Variants in FSHR observed in about 807,000 individuals in gnomAD.
FSHR encodes follicle-stimulating hormone receptor.
Under a neutral mutation model 52.1 loss-of-function variants are expected in FSHR, and 46 were observed. The ratio of observed to expected loss-of-function variants is 0.88; its 90% CI spans 0.70 to 1.13. FSHR has a LOEUF of 1.13. Ranked by LOEUF, FSHR falls within the 50% of genes most tolerant of loss-of-function variation. FSHR has a pLI of 0.00. For synonymous variants in FSHR, 399 were observed against 309.6 expected (o/e 1.29, Z -3.03); for missense variants, 964 against 834.6 (o/e 1.16, Z -1.91).
chr2:49,054,018 G>A (rs1668964282), intron 2 of FSHR, among the ~76,000 whole-genome samples: 1 of 152,166 alleles, frequency 6.6e-6, no homozygotes, highest in South Asian at 2.1e-4. Flanking sequence ...ATAAAGATGT[G>A]TGAACTCAGC....
intron 8 of FSHR, among the ~76,000 whole-genome samples, chr2:48,979,530 C>T (rs1675148413): frequency 6.6e-6 from 1 of 152,190 alleles, no homozygotes; most frequent in South Asian, 2.1e-4. Context: ...GCCGAGTCTA[C>T]TCTGGGAATT....
intron 4 of FSHR, among the ~76,000 whole-genome samples, chr2:49,010,766 T>A (rs1256661276): frequency 6.6e-6 from 1 of 152,132 alleles, no homozygotes; most frequent in Non-Finnish European, 1.5e-5. Flanking sequence ...GAAGAATGTA[T>A]GTGTCAAGGA....
At chr2:49,071,944 C>CGTGA (rs1669753152) in intron 1 of FSHR, among the ~76,000 whole-genome samples, 2 of 152,134 alleles carry the variant, frequency 1.3e-5, no homozygotes, top group South Asian at 4.1e-4. Context: ...ACAGTCACCT[C>CGTGA]CCACTAGGTC....
chr2:49,107,520 G>A (rs541429669), intron 1 of FSHR, among the ~76,000 whole-genome samples: 10 of 151,824 alleles, frequency 6.6e-5, no homozygotes, highest in South Asian at 2.1e-4. Flanking sequence ...TGTTTAATGA[G>A]TACTTACTGG....
Position 49,021,863 on chromosome 2 carries a change from CTA to C in FSHR, c.225-1705_225-1704del, listed in dbSNP as rs1224896244. Among the ~76,000 whole-genome samples, 131 of 49,828 alleles carry C rather than the reference CTA, an allele frequency of 2.6e-3. 2 individuals are homozygous for C. Among genetic ancestry groups the C allele is most frequent in the African/African-American group, 5.8e-3 (71 of 12,158 alleles). The allele number at this position is 49,828 out of a possible 152,430, so 32.7% of individuals were successfully genotyped here. On this transcript the variant is annotated intron_variant, in intron 2 of 9. Coordinates refer to ENST00000406846, the MANE Select transcript of FSHR (RefSeq NM_000145.4). ...TCTCTCTCTCTCTCTCTCTCTCTCTCTATATATATATATATATATATATAGAG... is the reference window on the plus strand; with the variant it reads ...TCTCTCTCTCTCTCTCTCTCTCTCTCTATATATATATATATATATATAGAG...
chr2:49,045,762 C>G (rs546808292), intron 2 of FSHR, among the ~76,000 whole-genome samples: 11 of 152,236 alleles, frequency 7.2e-5, no homozygotes, highest in African/African-American at 2.2e-4. Flanking sequence ...CTAAAACATC[C>G]TTTTTTTCCC....
intron 8 of FSHR, among the ~76,000 whole-genome samples, chr2:48,974,031 T>C (rs2284673): frequency 0.56 from 83,633 of 149,818 alleles, 24,819 homozygotes; most frequent in Non-Finnish European, 0.66. Flanking sequence ...TGACTCAGCA[T>C]TGTAATAAAA....
intron 4 of FSHR, among the ~76,000 whole-genome samples, chr2:49,013,533 T>C (rs1667369968): frequency 6.9e-6 from 1 of 144,230 alleles, no homozygotes; most frequent in Admixed American, 7.1e-5. Flanking sequence ...TATAAAAATA[T>C]ATATATAAAT....
chr2:48,986,469 A>T (rs1348782292), intron 6 of FSHR, among the ~76,000 whole-genome samples: 1 of 150,880 alleles, frequency 6.6e-6, no homozygotes, highest in Non-Finnish European at 1.5e-5. Flanking sequence ...AAGCTGCCAA[A>T]CTAGAAACGA....
At chr2:49,013,481 AATAAATATATATATAT>A (rs1298503687) in intron 4 of FSHR, among the ~76,000 whole-genome samples, 2,206 of 114,994 alleles carry the variant, frequency 0.019, 62 homozygotes, top group African/African-American at 0.065. Flanking sequence ...TATATATATA[AATAAATATATATATAT>A]ATAAATATAT....
At chr2:49,114,611 C>T (rs1572762533) in intron 1 of FSHR, among the ~76,000 whole-genome samples, 2 of 152,082 alleles carry the variant, frequency 1.3e-5, no homozygotes, top group Non-Finnish European at 2.9e-5. Flanking sequence ...TAAGAACCCT[C>T]GTAGCATTAC....
intron 2 of FSHR, among the ~76,000 whole-genome samples, chr2:49,056,778 C>G (rs995442973): frequency 6.6e-6 from 1 of 151,662 alleles, no homozygotes; most frequent in East Asian, 1.9e-4. Context: ...AAACAAGTCT[C>G]AAAAAAATTT....
intron 1 of FSHR, among the ~76,000 whole-genome samples, chr2:49,107,783 C>G (rs1253989922): frequency 1.3e-4 from 20 of 152,110 alleles, no homozygotes; most frequent in Admixed American, 1.3e-3. Context: ...TGGTGACTTT[C>G]ACAAATTCAC....
chr2:49,154,490 C>T lies in FSHR; in HGVS notation c.-73G>A. Reference sequence around the variant, plus strand: ...ACCTCCACAGATCTCAGAAGCTCCACACAGTGCCCTTATGAGAAGAGATCT... The same window carrying T: ...ACCTCCACAGATCTCAGAAGCTCCATACAGTGCCCTTATGAGAAGAGATCT... On this transcript the variant is annotated 5_prime_UTR_variant, in exon 1 of 10. It adds an upstream start codon to the 5' untranslated region. Transcript: ENST00000406846. The T allele has an allele frequency of 6.7e-7, 1 of 1,501,118 alleles. No homozygotes were observed. The highest frequency in any genetic ancestry group is 9.2e-7 in the Non-Finnish European group (1 of 1,081,774). The allele number at this position is 1,501,118 out of a possible 1,614,324, so 93.0% of individuals were successfully genotyped here.
At chr2:49,131,036 A>C (rs1301476412) in intron 1 of FSHR, among the ~76,000 whole-genome samples, 1 of 152,208 alleles carries the variant, frequency 6.6e-6, no homozygotes, top group Non-Finnish European at 1.5e-5. Flanking sequence ...ATTGGAAGGA[A>C]GACAGCTTAA....
At chr2:49,112,187 A>G (rs576094299) in intron 1 of FSHR, among the ~76,000 whole-genome samples, 2 of 152,314 alleles carry the variant, frequency 1.3e-5, no homozygotes, top group East Asian at 3.9e-4. Context: ...TTACATTTCC[A>G]TTCACAAAAC....
intron 1 of FSHR, among the ~76,000 whole-genome samples, chr2:49,121,305 A>C (rs1011576): frequency 0.48 from 72,602 of 151,984 alleles, 18,281 homozygotes; most frequent in East Asian, 0.71. Context: ...CCTGACCTTC[A>C]GTGTTCTCTT....
At position 49,039,659 on chromosome 2, in the gene FSHR, CAT is replaced by C. The variant is rs141738147; in HGVS notation, c.225-19501_225-19500del. On this transcript the variant is annotated intron_variant, in intron 2 of 9. Transcript: ENST00000406846. ...CTGAATCCTTTCCACTTGTCACAGTCATGTGTGAGTTCTGCTTTCCTTGATCT... is the reference window on the plus strand; with the variant it reads ...CTGAATCCTTTCCACTTGTCACAGTCGTGTGAGTTCTGCTTTCCTTGATCT... Among the ~76,000 whole-genome samples the C allele has an allele frequency of 5.2e-3, 790 of 152,316 alleles. 11 individuals carry two copies. The highest frequency in any genetic ancestry group is 0.018 in the African/African-American group (766 of 41,538).
chr2:49,084,801 G>C (rs1670313748), intron 1 of FSHR, among the ~76,000 whole-genome samples: 1 of 151,806 alleles, frequency 6.6e-6, no homozygotes. Flanking sequence ...CCAGGAAGAA[G>C]TTGAATCTCT....
Sources: gnomAD v4.1 joint callset for allele counts (sites outside exome capture counted in the v4.1 genomes callset) on GRCh38, gnomAD v4.1.1 for gene constraint, MANE v1.5 for transcripts, NCBI Gene and HGNC (gene_info 2026-07-23, HGNC 2026-07-21) for gene names.